OPRPN: variants seen among roughly 807,000 people sequenced by gnomAD.
OPRPN encodes the protein basic proline-rich lacrimal protein.
OPRPN carries 1 observed loss-of-function variant against 2.2 expected under a neutral mutation model. The observed-to-expected ratio is 0.45, with a 90% CI of 0.16 to 2.15. The LOEUF is 2.15. Ranked by LOEUF, OPRPN falls within the 30% of genes most tolerant of loss-of-function variation. OPRPN has a pLI of 0.28. For synonymous variants in OPRPN, 126 were observed against 111.5 expected, an observed-to-expected ratio of 1.13 and a Z score of -0.82; for missense variants, 306 against 297.3, an observed-to-expected ratio of 1.03 and a Z score of -0.21.
intron 2 of OPRPN, among the ~76,000 whole-genome samples, chr4:70,406,801 G>T (rs1181782495): frequency 6.6e-6 from 1 of 152,032 alleles, no homozygotes; most frequent in Non-Finnish European, 1.5e-5. Flanking sequence ...ATTTATTCTT[G>T]CATTTTTAGG....
Position 70,409,761 on chromosome 4 carries a change from A to G in OPRPN, c.433A>G (p.Asn145Asp). The stretch of plus-strand genomic sequence containing the variant: ...TATCTCTAACCCTGAGCCCCAAATA[A>G]ACATCACCACCGCAGATACAACAAT... ...LPISNPEPQI[N>D]ITTADTTITT... is the part of the protein sequence containing the mutation. Residue 145 changes from asparagine to aspartate, a missense_variant, in exon 3 of 3, where the codon AAC becomes GAC. Asn to Asp is a conservative substitution (Grantham distance 23, BLOSUM62 1). Transcript: ENST00000399575. 1 of 1,613,658 alleles carries G rather than the reference A, an allele frequency of 6.2e-7. No homozygotes were observed. Among genetic ancestry groups the G allele is most frequent in the Non-Finnish European group, 8.5e-7 (1 of 1,179,830 alleles).
chr4:70,404,835 T>C (rs1340668262), intron 2 of OPRPN, among the ~76,000 whole-genome samples: 1 of 152,218 alleles, frequency 6.6e-6, no homozygotes, highest in African/African-American at 2.4e-5. Flanking sequence ...GCTCTTTAAA[T>C]GTTTTACAAA....
intron 2 of OPRPN, among the ~76,000 whole-genome samples, chr4:70,401,788 G>A (rs4415022): frequency 0.84 from 127,144 of 151,978 alleles, 53,329 homozygotes; most frequent in Admixed American, 0.89. Flanking sequence ...GTATCTCATG[G>A]TGGACAAGGA....
chr4:70,398,925 T>C (rs1247023188), intron 1 of OPRPN, among the ~76,000 whole-genome samples: 1 of 151,896 alleles, frequency 6.6e-6, no homozygotes, highest in African/African-American at 2.4e-5. Flanking sequence ...TAAGTAAACA[T>C]ACTAAAAGTA....
At chr4:70,400,788 A>G (rs1732968684) in intron 2 of OPRPN, among the ~76,000 whole-genome samples, 1 of 152,074 alleles carries the variant, frequency 6.6e-6, no homozygotes, top group South Asian at 2.1e-4. Context: ...TTACTCTGGA[A>G]TAAACCACTT....
At position 70,410,083 on chromosome 4, in the gene OPRPN, A is replaced by T; in HGVS notation, c.*8A>T. ...TTTGCCATTTTTGGTTGAACATGCA[A>T]TAAATGATATTTTCCAAACTGCTCT... On this transcript the variant is annotated 3_prime_UTR_variant, in exon 3 of 3. Coordinates refer to ENST00000399575, the MANE Select transcript of OPRPN (RefSeq NM_021225.5). 6.6e-7 allele frequency: 1 copy of T among 1,522,942 alleles called. No homozygotes were observed. The highest frequency in any genetic ancestry group is 8.8e-7 in the Non-Finnish European group (1 of 1,133,174). The allele number at this position is 1,522,942 out of a possible 1,614,324, so 94.3% of individuals were successfully genotyped here. A position where few individuals can be genotyped will look rare whatever the true frequency, so the allele number is the denominator to read the frequency against.
chr4:70,409,676 T>G lies in OPRPN; in HGVS notation c.348T>G (p.Pro116=). 1 of 1,613,952 alleles carries G rather than the reference T, an allele frequency of 6.2e-7. No homozygotes were observed. Among genetic ancestry groups the G allele is most frequent in the Non-Finnish European group, 8.5e-7 (1 of 1,179,880 alleles). The change falls in exon 3 of 3, where the codon CCT becomes CCG. Residue 116 remains proline (P), a synonymous_variant. Coordinates refer to ENST00000399575, the MANE Select transcript of OPRPN (RefSeq NM_021225.5). The part of the protein sequence containing the change: ...HFPLRPYYVG[P]IRILKPPFPP... ...CACTAAGACCTTACTATGTAGGACC[T>G]ATTAGGATATTAAAACCCCCATTTC...
In OPRPN at chr4:70,409,706, T is replaced by C. The variant is rs781439787; in HGVS notation, c.378T>C (p.Pro126=). 3 of 1,613,414 alleles carry C rather than the reference T, an allele frequency of 1.9e-6. No individual in the cohort carries two copies. Among genetic ancestry groups the C allele is most frequent in the Non-Finnish European group, 2.5e-6 (3 of 1,179,638 alleles). Residue 126 remains proline (P), a synonymous_variant, in exon 3 of 3, where the codon CCT becomes CCC. Coordinates refer to ENST00000399575, the MANE Select transcript of OPRPN (RefSeq NM_021225.5). ...PIRILKPPFP[P]IPFFLAIYLP... is the part of the protein sequence containing the mutation. ...GGATATTAAAACCCCCATTTCCTCCTATTCCTTTTTTTCTTGCTATTTACC... is the reference window on the plus strand; with the variant it reads ...GGATATTAAAACCCCCATTTCCTCCCATTCCTTTTTTTCTTGCTATTTACC...
intron 2 of OPRPN, among the ~76,000 whole-genome samples, chr4:70,399,780 C>T (rs1032457092): frequency 6.6e-6 from 1 of 151,828 alleles, no homozygotes; most frequent in Non-Finnish European, 1.5e-5. Context: ...GCTGATTGTA[C>T]AATAGTTTTT....
rs773501758 is a variant in OPRPN, at chr4:70,409,482, C to G, written c.154C>G (p.Pro52Ala). The G allele has an allele frequency of 6.2e-7, 1 of 1,614,060 alleles. No individual in the cohort carries two copies. The highest frequency in any genetic ancestry group is 8.5e-7 in the Non-Finnish European group (1 of 1,179,942). ...ATGGGTTCCACCAAGTCCCCCACCT[C>G]CCTATGACTCAAGACTTAATTCACC... Reference protein sequence around the residue: ...PRWVPPSPPPPYDSRLNSPLS... With the variant: ...PRWVPPSPPPAYDSRLNSPLS... The change falls in exon 3 of 3, where the codon CCC (proline) becomes GCC (alanine). Residue 52 changes from proline (P) to alanine (A), a missense_variant. Coordinates refer to ENST00000399575, the MANE Select transcript of OPRPN (RefSeq NM_021225.5).
rs758991751 is a variant in OPRPN, at chr4:70,409,910, A to G, written c.582A>G (p.Ala194=). ...CAGAGCCTGCCACCTCCATATCAGCAGCAACCCCCGCAGCATCTACTGAAA... is the reference window on the plus strand; with the variant it reads ...CAGAGCCTGCCACCTCCATATCAGCGGCAACCCCCGCAGCATCTACTGAAA... ...STPEPATSIS[A]ATPAASTENT... is the part of the protein sequence containing the mutation. The change falls in exon 3 of 3, where the codon GCA becomes GCG. Residue 194 remains alanine (A), a synonymous_variant. Coordinates refer to ENST00000399575, the MANE Select transcript of OPRPN (RefSeq NM_021225.5). 4.7e-5 allele frequency: 76 copies of G among 1,613,900 alleles called. No individual in the cohort carries two copies. The highest frequency in any genetic ancestry group is 5.7e-5 in the Non-Finnish European group (67 of 1,179,994).
At chr4:70,407,569 GA>G (rs1445848436) in intron 2 of OPRPN, among the ~76,000 whole-genome samples, 2 of 152,204 alleles carry the variant, frequency 1.3e-5, no homozygotes, top group Non-Finnish European at 2.9e-5. Flanking sequence ...GGGAAATTGA[GA>G]AGTGGAGACA....
rs757441630 is a variant in OPRPN, at chr4:70,409,819, C to T, written c.491C>T (p.Thr164Ile). The T allele has an allele frequency of 8.7e-5, 140 of 1,612,694 alleles. 1 individual carries two copies. The Admixed American group carries it at 2.3e-3, about 26-fold the overall frequency. ...AATCCCCCCACCACTGCAACAGCAA[C>T]CACCAGCACTTCCACAAAACCCACA... ...TTNPPTTATA[T>I]TSTSTKPTMT... is the part of the protein sequence containing the mutation. Residue 164 changes from threonine (T) to isoleucine (I), a missense_variant, in exon 3 of 3, where the codon ACC becomes ATC. Coordinates refer to ENST00000399575, the MANE Select transcript of OPRPN (RefSeq NM_021225.5).
chr4:70,401,550 C>G (rs997106215), intron 2 of OPRPN, among the ~76,000 whole-genome samples: 1 of 152,012 alleles, frequency 6.6e-6, no homozygotes, highest in Non-Finnish European at 1.5e-5. Context: ...CACAAAAACC[C>G]AGGAACTATT....
rs749305585 is a variant in OPRPN at position 70,409,448 on chromosome 4, C to T, written c.120C>T (p.Tyr40=). The stretch of plus-strand genomic sequence containing the variant: ...GCCAGCTGCCACCACCTCCACTCTA[C>T]AGGCCAAGATGGGTTCCACCAAGTC... The part of the protein sequence containing the change: ...LPGQLPPPPL[Y]RPRWVPPSPP... The change falls in exon 3 of 3, where the codon TAC becomes TAT. Residue 40 remains tyrosine (Y), a synonymous_variant. Coordinates refer to ENST00000399575, the MANE Select transcript of OPRPN (RefSeq NM_021225.5). 3 of 1,614,102 alleles carry T rather than the reference C, an allele frequency of 1.9e-6. No individual in the cohort carries two copies. Among genetic ancestry groups the T allele is most frequent in the South Asian group, 1.1e-5 (1 of 91,068 alleles).
intron 2 of OPRPN, among the ~76,000 whole-genome samples, chr4:70,402,484 G>C (rs1016727926): frequency 6.6e-6 from 1 of 151,972 alleles, no homozygotes; most frequent in African/African-American, 2.4e-5. Context: ...CCAAATATGG[G>C]GAATTCATTC....
chr4:70,404,180 C>G (rs1324178185), intron 2 of OPRPN, among the ~76,000 whole-genome samples: 1 of 152,174 alleles, frequency 6.6e-6, no homozygotes, highest in African/African-American at 2.4e-5. Context: ...TAAGGGTCAG[C>G]TTTCAGTCCC....
intron 2 of OPRPN, among the ~76,000 whole-genome samples, chr4:70,406,164 C>A (rs1350181737): frequency 6.6e-6 from 1 of 152,120 alleles, no homozygotes; most frequent in Non-Finnish European, 1.5e-5. Flanking sequence ...ATAATTACTA[C>A]ACTATATAAT....
At position 70,409,561 on chromosome 4, in the gene OPRPN, T is replaced by C. The variant is rs373464667; in HGVS notation, c.233T>C (p.Phe78Ser). 39 of 1,613,866 alleles carry C rather than the reference T, an allele frequency of 2.4e-5. No homozygotes were observed. In the African/African-American group the frequency reaches 4.8e-4, roughly 20 times the overall value. Residue 78 changes from phenylalanine (F) to serine (S), a missense_variant, in exon 3 of 3, where the codon TTT becomes TCT. Physicochemically the swap from Phe to Ser is radical, Grantham distance 155. Transcript: ENST00000399575. ...GRVPPSSFSR[F>S]SQAVILSQLF... ...GTTCCACCATCTTCTTTCTCTCGATTTAGCCAAGCAGTCATTCTATCTCAA... is the reference window on the plus strand; with the variant it reads ...GTTCCACCATCTTCTTTCTCTCGATCTAGCCAAGCAGTCATTCTATCTCAA...
Sources: gnomAD v4.1 joint callset for allele counts (sites outside exome capture counted in the v4.1 genomes callset) on GRCh38, gnomAD v4.1.1 for gene constraint, MANE v1.5 for transcripts, NCBI Gene and HGNC (gene_info 2026-07-23, HGNC 2026-07-21) for gene names.